The following ACVR1 variants were observed in gnomAD, a reference collection of about 807,000 sequenced individuals.
The protein encoded by ACVR1 is activin receptor type-1.
A neutral mutation model predicts 57.1 loss-of-function variants in ACVR1; 38 were observed. The observed-to-expected ratio is 0.67, with a 90% CI of 0.51 to 0.87. The LOEUF is 0.87. Among genes scored for constraint, ACVR1 ranks in the 40% least tolerant of loss-of-function variants. The probability of loss-of-function intolerance (pLI) is 0.00; values close to 1 mark genes in which losing one functional copy is unlikely to be tolerated. For missense variants in ACVR1, 463 were observed against 638.2 expected, an observed-to-expected ratio of 0.73 and a Z score of 2.96; for synonymous variants, 212 against 228.1, an observed-to-expected ratio of 0.93 and a Z score of 0.63.
Position 157,747,225 on chromosome 2 carries a change from A to ATCACACCC in ACVR1, c.1265-8663_1265-8656dup, listed in dbSNP as rs1256621215. Among the ~76,000 whole-genome samples the ATCACACCC allele has an allele frequency of 1.6e-4, 24 of 152,352 alleles. No homozygotes were observed. In the East Asian group the frequency reaches 4.4e-3, roughly 28 times the overall value. ...GCTGCTAAGAAAATGAAATAGGCAC[A>ATCACACCC]TCACACCCTAGGGTATGGGGGATAT... is the stretch of plus-strand genomic sequence containing the variant. On this transcript the variant is annotated intron_variant, in intron 9 of 10. Coordinates refer to ENST00000434821, the MANE Select transcript of ACVR1 (RefSeq NM_001111067.4).
intron 9 of ACVR1, among the ~76,000 whole-genome samples, chr2:157,749,933 C>A (rs1685115923): frequency 6.6e-6 from 1 of 152,250 alleles, no homozygotes; most frequent in Non-Finnish European, 1.5e-5. Context: ...CCTGTCAGGG[C>A]CCATGTGCAT....
In ACVR1 at chr2:157,841,853, C is replaced by A. The variant is rs563770484; in HGVS notation, c.-182-23294G>T. Among the ~76,000 whole-genome samples, 12 of 152,062 alleles carry A rather than the reference C, an allele frequency of 7.9e-5. No individual in the cohort carries two copies. The South Asian group carries it at 1.5e-3, about 18-fold the overall frequency. On this transcript the variant is annotated intron_variant, in intron 1 of 10. Transcript: ENST00000434821. ...CCTGGCTAACACAGTGAAACCCCAT[C>A]TGTATGAAAAATATTTTTAAAAAAT...
At chr2:157,835,672 TAATAA>T (rs1574129312) in intron 1 of ACVR1, among the ~76,000 whole-genome samples, 1 of 152,202 alleles carries the variant, frequency 6.6e-6, no homozygotes, top group African/African-American at 2.4e-5. Context: ...CAATAATGAA[TAATAA>T]ATTACTTAGC....
At chr2:157,787,084 C>G (rs532474122) in intron 3 of ACVR1, among the ~76,000 whole-genome samples, 1 of 152,074 alleles carries the variant, frequency 6.6e-6, no homozygotes, top group South Asian at 2.1e-4. Flanking sequence ...GACTCCTTGT[C>G]TCTGAAATAA....
chr2:157,775,763 T>C (rs1686258203), intron 5 of ACVR1, among the ~76,000 whole-genome samples: 1 of 152,220 alleles, frequency 6.6e-6, no homozygotes. Context: ...AATGTGTTAT[T>C]TTTTCCATAA....
At chr2:157,855,319 T>C (rs369347374) in intron 1 of ACVR1, among the ~76,000 whole-genome samples, 20,830 of 98,332 alleles carry the variant, frequency 0.21, 3,097 homozygotes, top group Non-Finnish European at 0.28. Flanking sequence ...TATATATATA[T>C]ATATACACAC....
intron 1 of ACVR1, among the ~76,000 whole-genome samples, chr2:157,833,340 G>C (rs959216846): frequency 6.6e-6 from 1 of 152,116 alleles, no homozygotes; most frequent in African/African-American, 2.4e-5. Context: ...AAAACCCCAG[G>C]GTTAAAGGAC....
intron 1 of ACVR1, among the ~76,000 whole-genome samples, chr2:157,850,475 C>T (rs1206386619): frequency 2.0e-5 from 3 of 151,584 alleles, no homozygotes; most frequent in East Asian, 1.9e-4. Context: ...ATTTTAAACA[C>T]TTAGAAAGTA....
chr2:157,811,535 A>G (rs1687752835), intron 2 of ACVR1, among the ~76,000 whole-genome samples: 1 of 152,220 alleles, frequency 6.6e-6, no homozygotes, highest in Admixed American at 6.5e-5. Context: ...AAAATAAGCA[A>G]CATTCTACCC....
intron 6 of ACVR1, among the ~76,000 whole-genome samples, chr2:157,771,364 G>GCAACACAC (rs1460043594): frequency 3.9e-5 from 6 of 152,192 alleles, no homozygotes; most frequent in Non-Finnish European, 7.3e-5. Flanking sequence ...TCTTGCAGCA[G>GCAACACAC]CAACACACTT....
At position 157,874,328 on chromosome 2, in the gene ACVR1, C is replaced by G. The variant is rs572392772; in HGVS notation, c.-183+1468G>C. ...GAATCATAAAATAAGTGATCGAGGT[C>G]CCATCCAGGCATAAGATAACCTCCT... On this transcript the variant is annotated intron_variant, in intron 1 of 10. Coordinates refer to ENST00000434821, the MANE Select transcript of ACVR1 (RefSeq NM_001111067.4). 3.3e-5 allele frequency among the ~76,000 whole-genome samples: 5 copies of G among 152,356 alleles called. No homozygotes were observed. The South Asian group carries it at 8.3e-4, about 25-fold the overall frequency.
At chr2:157,854,768 G>A (rs374733147) in intron 1 of ACVR1, among the ~76,000 whole-genome samples, 7 of 149,456 alleles carry the variant, frequency 4.7e-5, no homozygotes, top group Middle Eastern at 3.7e-3. Context: ...GGGTGCGACC[G>A]ATGGCTCACA....
At chr2:157,747,442 G>T (rs1180684223) in intron 9 of ACVR1, among the ~76,000 whole-genome samples, 1 of 151,984 alleles carries the variant, frequency 6.6e-6, no homozygotes, top group Non-Finnish European at 1.5e-5. Flanking sequence ...TAACAATATG[G>T]AAATGGTTAA....
intron 9 of ACVR1, among the ~76,000 whole-genome samples, chr2:157,759,496 T>C (rs1404916355): frequency 6.6e-6 from 1 of 152,118 alleles, no homozygotes; most frequent in Non-Finnish European, 1.5e-5. Flanking sequence ...CAGGATTGGA[T>C]GGCTTTACTG....
At chr2:157,769,444 C>T (rs1442993066) in intron 7 of ACVR1, among the ~76,000 whole-genome samples, 1 of 152,186 alleles carries the variant, frequency 6.6e-6, no homozygotes, top group African/African-American at 2.4e-5. Context: ...AGTGAGAAAT[C>T]AACTACAGAA....
At chr2:157,786,959 A>G (rs1367719545) in intron 3 of ACVR1, among the ~76,000 whole-genome samples, 1 of 151,976 alleles carries the variant, frequency 6.6e-6, no homozygotes, top group East Asian at 1.9e-4. Context: ...GAATTACATC[A>G]TCTTCCCCTT....
intron 1 of ACVR1, among the ~76,000 whole-genome samples, chr2:157,838,052 C>T (rs957985296): frequency 2.0e-5 from 3 of 152,062 alleles, no homozygotes; most frequent in African/African-American, 4.8e-5. Context: ...ACAGAACCAG[C>T]CAGTCTGACT....
In ACVR1 at chr2:157,736,666, A is replaced by G. The variant is rs1260981016; in HGVS notation, c.*865T>C. On this transcript the variant is annotated 3_prime_UTR_variant, in exon 11 of 11. Transcript: ENST00000434821. ...CGGTGGTGTCACGTGGGTAATGGCTAAATACGTTCTGCATATGAACTGAAA... is the reference window on the plus strand; with the variant it reads ...CGGTGGTGTCACGTGGGTAATGGCTGAATACGTTCTGCATATGAACTGAAA... 3 of 322,146 alleles carry G rather than the reference A, an allele frequency of 9.3e-6. No homozygotes were observed. The highest frequency in any genetic ancestry group is 1.7e-5 in the Non-Finnish European group (3 of 174,802). 20.0% of individuals were successfully genotyped at this position (322,146 alleles called of 1,614,324 possible).
At chr2:157,739,829 C>T (rs917785749) in intron 9 of ACVR1, among the ~76,000 whole-genome samples, 2 of 152,148 alleles carry the variant, frequency 1.3e-5, no homozygotes, top group Non-Finnish European at 2.9e-5. Context: ...CTTTTTAAAA[C>T]TTCACAAATT....
Sources: allele counts gnomAD v4.1 joint callset (sites outside exome capture counted in the v4.1 genomes callset), GRCh38; gene constraint gnomAD v4.1.1; transcripts MANE v1.5; gene names NCBI Gene and HGNC (gene_info 2026-07-23, HGNC 2026-07-21).